RAD51: variants seen among roughly 807,000 people sequenced by gnomAD.
RAD51 encodes DNA repair protein RAD51 homolog 1.
Under a neutral mutation model 41.5 loss-of-function variants are expected in RAD51, and 14 were observed. That is an observed-to-expected ratio of 0.34 (90% CI 0.22 to 0.53). The LOEUF (loss-of-function observed/expected upper bound fraction) is 0.53, where lower values mean the gene tolerates loss of function less well. Ranked by LOEUF, RAD51 falls within the 20% of genes least tolerant of loss-of-function variation. The pLI is 0.95. For synonymous variants in RAD51, 136 were observed against 148.6 expected, an observed-to-expected ratio of 0.92 and a Z score of 0.62; for missense variants, 234 against 422.0, an observed-to-expected ratio of 0.55 and a Z score of 3.90.
intron 3 of RAD51, among the ~76,000 whole-genome samples, chr15:40,705,930 A>G (rs1466522971): frequency 6.6e-6 from 1 of 152,164 alleles, no homozygotes; most frequent in Admixed American, 6.5e-5. Flanking sequence ...TTTTAAAACT[A>G]TATTAATATA....
chr15:40,721,215 T>C (rs1266485346), intron 6 of RAD51, among the ~76,000 whole-genome samples: 3 of 152,192 alleles, frequency 2.0e-5, no homozygotes, highest in Non-Finnish European at 2.9e-5. Flanking sequence ...ATTTTATCTA[T>C]AGATTCAACC....
At chr15:40,725,492 T>C (rs2141872719) in intron 6 of RAD51, among the ~76,000 whole-genome samples, 1 of 152,282 alleles carries the variant, frequency 6.6e-6, no homozygotes, top group South Asian at 2.1e-4. Flanking sequence ...AAAGAGCCCT[T>C]ACTGATTAAT....
At chr15:40,730,842 G>A (rs1037809813) in intron 9 of RAD51, among the ~76,000 whole-genome samples, 11 of 151,850 alleles carry the variant, frequency 7.2e-5, no homozygotes, top group Non-Finnish European at 1.5e-4. Flanking sequence ...TTTTTTTAAT[G>A]TTTGTTTCAA....
chr15:40,696,345 C>G (rs943339257), intron 1 of RAD51, among the ~76,000 whole-genome samples: 2 of 151,752 alleles, frequency 1.3e-5, no homozygotes, highest in Admixed American at 1.3e-4. Flanking sequence ...GAAGTGGAGG[C>G]GGGAGGACGA....
intron 6 of RAD51, among the ~76,000 whole-genome samples, chr15:40,723,207 C>G (rs1896368969): frequency 6.6e-6 from 1 of 152,092 alleles, no homozygotes; most frequent in African/African-American, 2.4e-5. Flanking sequence ...GTAACAAATA[C>G]TGGGAGGATG....
At chr15:40,698,025 C>T (rs1894757160) in intron 1 of RAD51, among the ~76,000 whole-genome samples, 1 of 152,054 alleles carries the variant, frequency 6.6e-6, no homozygotes, top group African/African-American at 2.4e-5. Flanking sequence ...ACTGTAGTCA[C>T]CCTACTGTGA....
chr15:40,710,191 G>C (rs189967438), intron 5 of RAD51, among the ~76,000 whole-genome samples: 1 of 134,098 alleles, frequency 7.5e-6, no homozygotes, highest in East Asian at 2.3e-4. Context: ...GCAGTGAGCC[G>C]AGATTGCGCC....
intron 2 of RAD51, 145 bp from the exon 3 acceptor site, chr15:40,700,919 A>G (rs879779088): frequency 3.9e-6 from 4 of 1,020,316 alleles, no homozygotes; most frequent in African/African-American, 3.3e-5. Context: ...CCAACTTCCC[A>G]TCTCCCCCCG....
chr15:40,712,657 T>C (rs1015427944), intron 5 of RAD51, among the ~76,000 whole-genome samples: 5 of 152,224 alleles, frequency 3.3e-5, no homozygotes, highest in Admixed American at 3.3e-4. Context: ...TCTTCTGTTA[T>C]AATCTTTTGA....
At position 40,731,311 on chromosome 15, in the gene RAD51, T is replaced by TACC; in HGVS notation, c.*134_*135insCCA. 8.2e-7 allele frequency: 1 copy of TACC among 1,218,598 alleles called. No individual in the cohort carries two copies. The highest frequency in any genetic ancestry group is 1.2e-6 in the Non-Finnish European group (1 of 847,592). The allele number at this position is 1,218,598 out of a possible 1,614,324, so 75.5% of individuals were successfully genotyped here. A position where few individuals can be genotyped will look rare whatever the true frequency, so the allele number is the denominator to read the frequency against. On this transcript the variant is annotated 3_prime_UTR_variant, in exon 10 of 10. Transcript: ENST00000267868. ...AAAGCTTCCGGGAAAACAGCTATTA[T>TACC]ATCAGCTTTTCTGATGGTATAAACA...
At chr15:40,726,848 A>G (rs1340489837) in intron 6 of RAD51, among the ~76,000 whole-genome samples, 1 of 150,616 alleles carries the variant, frequency 6.6e-6, no homozygotes, top group East Asian at 2.0e-4. Flanking sequence ...GGGAGGCGGA[A>G]CTTGCAATGA....
chr15:40,710,228 C>A (rs1056530901), intron 5 of RAD51, among the ~76,000 whole-genome samples: 13 of 106,988 alleles, frequency 1.2e-4, no homozygotes, highest in Non-Finnish European at 2.0e-4. Context: ...GGCGACAGAG[C>A]GAGACTCTGT....
intron 4 of RAD51, among the ~76,000 whole-genome samples, chr15:40,707,907 G>A (rs1451065593): frequency 6.6e-6 from 1 of 151,556 alleles, no homozygotes; most frequent in Non-Finnish European, 1.5e-5. Context: ...TAGTAGAGAC[G>A]GGATTTCACC....
chr15:40,710,168 G>A (rs1272948979), intron 5 of RAD51, among the ~76,000 whole-genome samples: 1 of 148,268 alleles, frequency 6.7e-6, no homozygotes, highest in East Asian at 2.0e-4. Flanking sequence ...CGTGAACCCG[G>A]GAGGCACAGC....
At chr15:40,704,519 G>A (rs541201512) in intron 3 of RAD51, among the ~76,000 whole-genome samples, 32 of 151,446 alleles carry the variant, frequency 2.1e-4, no homozygotes, top group African/African-American at 6.8e-4. Context: ...ACGCCACCAC[G>A]CCCAGCTATT....
chr15:40,709,223 A>T (rs1895539372), intron 5 of RAD51, 107 bp downstream of exon 5: 2 of 913,820 alleles, frequency 2.2e-6, no homozygotes, highest in Non-Finnish European at 3.5e-6. Context: ...TCTGTCCTCA[A>T]GAATCTTATA....
At chr15:40,707,604 G>C (rs1895432909) in intron 4 of RAD51, among the ~76,000 whole-genome samples, 1 of 152,044 alleles carries the variant, frequency 6.6e-6, no homozygotes. Context: ...ATCATGCCTG[G>C]CCCCCAATGT....
intron 6 of RAD51, among the ~76,000 whole-genome samples, chr15:40,722,359 G>T (rs905005550): frequency 1.3e-5 from 2 of 151,640 alleles, no homozygotes. Context: ...GTTGCAGTGT[G>T]CCGAGATCAT....
intron 5 of RAD51, 149 bp from the exon 6 acceptor site, chr15:40,718,656 T>C (rs1310570705): frequency 8.6e-6 from 6 of 700,942 alleles, no homozygotes; most frequent in Middle Eastern, 3.8e-4. Context: ...TCTATTAATA[T>C]CAGAAGGGAA....
Sources: gnomAD v4.1 joint callset for allele counts (sites outside exome capture counted in the v4.1 genomes callset) on GRCh38, gnomAD v4.1.1 for gene constraint, MANE v1.5 for transcripts, NCBI Gene and HGNC (gene_info 2026-07-23, HGNC 2026-07-21) for gene names.